The following GSR variants were observed in gnomAD, a reference collection of about 807,000 sequenced individuals.
GSR encodes the protein glutathione reductase, mitochondrial.
Under a neutral mutation model 56.5 loss-of-function variants are expected in GSR, and 48 were observed. That is an observed-to-expected ratio of 0.85 (90% CI 0.67 to 1.08). The LOEUF (loss-of-function observed/expected upper bound fraction) is 1.08, where lower values mean the gene tolerates loss of function less well. Ranked by LOEUF, GSR falls within the 50% of genes least tolerant of loss-of-function variation. The probability of loss-of-function intolerance (pLI) is 0.00; values close to 1 mark genes in which losing one functional copy is unlikely to be tolerated. For missense variants in GSR, 694 were observed against 703.3 expected (o/e 0.99, Z 0.15); for synonymous variants, 264 against 270.8 (o/e 0.97, Z 0.25).
At position 30,689,366 on chromosome 8, in the gene GSR, G is replaced by T. The variant is rs112105088; in HGVS notation, c.883-47C>A. The T allele has an allele frequency of 1.7e-5, 26 of 1,510,012 alleles. 1 individual carries two copies. The highest frequency in any genetic ancestry group is 3.4e-4 in the Middle Eastern group (2 of 5,846). 93.5% of individuals were successfully genotyped at this position (1,510,012 alleles called of 1,614,324 possible). On this transcript the variant is annotated intron_variant, in intron 8 of 12. Coordinates refer to ENST00000221130, the MANE Select transcript of GSR (RefSeq NM_000637.5). ...TACACATGTGTGGAGGCTCAGGGAG[G>T]ACAGGGGAAGAAGGAAAGCAAATAC...
rs547849010 is a variant in GSR, at chr8:30,709,954, A to AG, written c.334-53dup. On this transcript the variant is annotated intron_variant, in intron 2 of 12. Coordinates refer to ENST00000221130, the MANE Select transcript of GSR (RefSeq NM_000637.5). The stretch of plus-strand genomic sequence containing the variant: ...CCAAAACAGCAGTAAATCAGTCCTG[A>AG]GGGAAAAAAGGAATCATGAATGAAT... 3.8e-3 allele frequency: 3,648 copies of AG among 951,662 alleles called. 23 individuals are homozygous for AG. The highest frequency in any genetic ancestry group is 4.9e-3 in the Non-Finnish European group (2,970 of 608,042). 59.0% of individuals were successfully genotyped at this position (951,662 alleles called of 1,614,324 possible).
At chr8:30,709,938 C>T (rs1483812463) in intron 2 of GSR, 36 bp from the exon 3 acceptor site, 2 of 1,095,076 alleles carry the variant, frequency 1.8e-6, no homozygotes, top group South Asian at 2.6e-5. Context: ...TCCAAAACAG[C>T]AGTAAATCAG....
At chr8:30,709,058 G>C (rs137957696) in intron 3 of GSR, among the ~76,000 whole-genome samples, 1 of 151,178 alleles carries the variant, frequency 6.6e-6, no homozygotes, top group African/African-American at 2.4e-5. Flanking sequence ...ATCTTATTCT[G>C]CCTTTAAAAG....
intron 1 of GSR, among the ~76,000 whole-genome samples, chr8:30,720,592 C>G (rs1235244379): frequency 6.6e-6 from 1 of 151,856 alleles, no homozygotes; most frequent in Non-Finnish European, 1.5e-5. Context: ...TATTCAATAT[C>G]CATGTCTCCA....
intron 9 of GSR, among the ~76,000 whole-genome samples, chr8:30,684,816 C>T (rs926900061): frequency 1.3e-5 from 2 of 151,986 alleles, no homozygotes; most frequent in African/African-American, 4.8e-5. Context: ...GTGGTGTGAT[C>T]ATGGCTCACT....
intron 1 of GSR, among the ~76,000 whole-genome samples, chr8:30,719,532 T>C (rs1308596303): frequency 6.6e-6 from 1 of 151,904 alleles, no homozygotes; most frequent in Non-Finnish European, 1.5e-5. Context: ...ATAACAGGCG[T>C]GAGCCACCAC....
chr8:30,703,895 A>G (rs958527107), intron 4 of GSR, among the ~76,000 whole-genome samples: 4 of 152,016 alleles, frequency 2.6e-5, no homozygotes, highest in African/African-American at 9.7e-5. Context: ...AAAGAAGAAG[A>G]AATAAAAGTG....
rs1416707352 is a variant in GSR, at chr8:30,678,923, G to A, written c.*597C>T. On this transcript the variant is annotated 3_prime_UTR_variant, in exon 13 of 13. Coordinates refer to ENST00000221130, the MANE Select transcript of GSR (RefSeq NM_000637.5). Reference sequence around the variant, plus strand: ...TCAGCACCTCAGGAGGCCGAGGTGGGCGGATCACCTGAAGGTGGGAGTTTG... The same window carrying A: ...TCAGCACCTCAGGAGGCCGAGGTGGACGGATCACCTGAAGGTGGGAGTTTG... The A allele has an allele frequency of 1.3e-5, 2 of 152,944 alleles. No homozygotes were observed. The highest frequency in any genetic ancestry group is 4.8e-5 in the African/African-American group (2 of 41,434). 9.5% of individuals were successfully genotyped at this position (152,944 alleles called of 1,614,324 possible).
intron 4 of GSR, among the ~76,000 whole-genome samples, chr8:30,707,640 C>T (rs1448359612): frequency 6.6e-6 from 1 of 150,954 alleles, no homozygotes; most frequent in African/African-American, 2.4e-5. Context: ...AGCCTGGCGA[C>T]AGATAGAGAC....
chr8:30,690,050 A>C (rs920047681), intron 8 of GSR, among the ~76,000 whole-genome samples: 1 of 141,362 alleles, frequency 7.1e-6, no homozygotes, highest in East Asian at 2.0e-4. Context: ...ATTATATATA[A>C]ATATACATAT....
chr8:30,701,522 G>A (rs906297350), intron 5 of GSR, among the ~76,000 whole-genome samples: 1 of 151,612 alleles, frequency 6.6e-6, no homozygotes. Flanking sequence ...GGGTGCAGTG[G>A]CTCACACCTG....
chr8:30,680,560 A>C (rs2739004), intron 12 of GSR, among the ~76,000 whole-genome samples: 112,173 of 150,966 alleles, frequency 0.74, 42,088 homozygotes, highest in East Asian at 0.9. Flanking sequence ...ATGCCTGGCT[A>C]ATTTTTGTGT....
chr8:30,692,987 C>T lies in GSR; in HGVS notation c.864G>A (p.Glu288=), dbSNP rs765763705. Residue 288 remains glutamate (E), a synonymous_variant, in exon 8 of 13, where the codon GAG becomes GAA. Transcript: ENST00000221130. ...CTEELENAGV[E]VLKFSQVKEV... is the part of the protein sequence containing the mutation. ...ACTGTACCTGGGAGAACTTCAGCACCTCCACGCCAGCGTTCTCCAGCTCCT... is the reference window on the plus strand; with the variant it reads ...ACTGTACCTGGGAGAACTTCAGCACTTCCACGCCAGCGTTCTCCAGCTCCT... The T allele has an allele frequency of 3.7e-6, 6 of 1,611,428 alleles. No homozygotes were observed. In the South Asian group the frequency reaches 6.6e-5, roughly 18 times the overall value.
intron 1 of GSR, among the ~76,000 whole-genome samples, chr8:30,720,824 T>C (rs1419035974): frequency 1.4e-5 from 2 of 145,498 alleles, no homozygotes; most frequent in African/African-American, 2.5e-5. Context: ...CACCAGATTT[T>C]TAAAAAGTGT....
chr8:30,695,833 A>C (rs911854315), intron 7 of GSR, among the ~76,000 whole-genome samples: 4 of 152,118 alleles, frequency 2.6e-5, no homozygotes, highest in African/African-American at 9.6e-5. Flanking sequence ...TGAGGTAGGG[A>C]GTTCGAGACC....
intron 9 of GSR, among the ~76,000 whole-genome samples, chr8:30,685,796 T>G (rs960873833): frequency 1.8e-4 from 27 of 151,790 alleles, no homozygotes; most frequent in Admixed American, 1.3e-3. Context: ...GCCAACATGG[T>G]GAAACCCTGT....
intron 4 of GSR, among the ~76,000 whole-genome samples, chr8:30,703,618 A>T (rs772236844): frequency 6.6e-6 from 1 of 151,894 alleles, no homozygotes; most frequent in Non-Finnish European, 1.5e-5. Context: ...ATGGTGCTGC[A>T]CACCTGTAGT....
intron 1 of GSR, among the ~76,000 whole-genome samples, chr8:30,721,974 C>G (rs1310721963): frequency 6.6e-6 from 1 of 151,530 alleles, no homozygotes; most frequent in African/African-American, 2.4e-5. Context: ...CAAGATGGTA[C>G]CACTACATTC....
At chr8:30,719,774 A>C (rs1804466354) in intron 1 of GSR, among the ~76,000 whole-genome samples, 1 of 152,078 alleles carries the variant, frequency 6.6e-6, no homozygotes, top group South Asian at 2.1e-4. Flanking sequence ...AAAATTCAGA[A>C]GCTTCACCAT....
Sources: allele counts gnomAD v4.1 joint callset (sites outside exome capture counted in the v4.1 genomes callset), GRCh38; gene constraint gnomAD v4.1.1; transcripts MANE v1.5; gene names NCBI Gene and HGNC (gene_info 2026-07-23, HGNC 2026-07-21).